PPARGC1A: variants seen among roughly 807,000 people sequenced by gnomAD.
PPARGC1A encodes the protein PPARG coactivator 1 alpha, also known as peroxisome proliferator-activated receptor gamma coactivator 1-alpha.
In PPARGC1A, 25 loss-of-function variants were observed where a neutral mutation model predicts 88.7. The ratio of observed to expected loss-of-function variants is 0.28; its 90% CI spans 0.21 to 0.39. The LOEUF (loss-of-function observed/expected upper bound fraction) is 0.39. Ranked by LOEUF, PPARGC1A falls within the 10% of genes least tolerant of loss-of-function variation. PPARGC1A has a pLI of 1.00. For synonymous variants in PPARGC1A, 363 were observed against 355.6 expected, an observed-to-expected ratio of 1.02 and a Z score of -0.24; for missense variants, 880 against 968.7, an observed-to-expected ratio of 0.91 and a Z score of 1.22.
intron 2 of PPARGC1A, among the ~76,000 whole-genome samples, chr4:23,838,886 A>G (rs57619531): frequency 0.042 from 5,714 of 137,300 alleles, 113 homozygotes; most frequent in Middle Eastern, 0.061. Flanking sequence ...GCATTCTCTG[A>G]TATTCAATTG....
At chr4:24,121,530 C>G in the PPARGC1A span, among the ~76,000 whole-genome samples, 1 of 152,174 alleles carries the variant, frequency 6.6e-6, no homozygotes, top group South Asian at 2.1e-4. Context: ...CAGAGACCTC[C>G]GCCATACCCT....
chr4:23,806,225 G>A (rs1719782295), intron 10 of PPARGC1A, among the ~76,000 whole-genome samples: 2 of 152,118 alleles, frequency 1.3e-5, no homozygotes, highest in African/African-American at 4.8e-5. Context: ...AATTATTGAA[G>A]TGCTTGATTT....
At chr4:23,924,392 C>T in the PPARGC1A span, among the ~76,000 whole-genome samples, 9 of 152,254 alleles carry the variant, frequency 5.9e-5, no homozygotes, top group South Asian at 1.7e-3. Context: ...CTTCGGGAGG[C>T]CGAGGCGGGT....
At chr4:23,991,218 G>A in the PPARGC1A span, among the ~76,000 whole-genome samples, 1 of 152,044 alleles carries the variant, frequency 6.6e-6, no homozygotes, top group African/African-American at 2.4e-5. Context: ...GGGAAAGGCA[G>A]ATAGCTTTGT....
Position 23,795,899 on chromosome 4 carries a change from C to T in PPARGC1A, c.2320G>A (p.Ala774Thr). 1 of 1,611,274 alleles carries T rather than the reference C, an allele frequency of 6.2e-7. No individual in the cohort carries two copies. Among genetic ancestry groups the T allele is most frequent in the Non-Finnish European group, 8.5e-7 (1 of 1,178,968 alleles). ...LDSNSDDFDP[A>T]STKSKYDSLD... ...GAGTCATACTTGCTCTTGGTGGAAG[C>T]AGGGTCAAAGTCATCTGAGTTTGAA... Residue 774 changes from alanine to threonine, a missense_variant, in exon 13 of 13, where the codon GCT becomes ACT. Physicochemically the swap from Ala to Thr is moderately conservative, Grantham distance 58. Transcript: ENST00000264867.
At chr4:24,338,877 A>T in the PPARGC1A span, among the ~76,000 whole-genome samples, 2 of 152,118 alleles carry the variant, frequency 1.3e-5, no homozygotes, top group Non-Finnish European at 2.9e-5. Flanking sequence ...CATTGTTTAC[A>T]ATCAGTTCAG....
At chr4:23,880,843 C>T (rs1465562613) in intron 2 of PPARGC1A, 1 of 152,204 alleles carries the variant, frequency 6.6e-6, no homozygotes, top group Non-Finnish European at 1.5e-5. Context: ...CAAAGGCAGT[C>T]CTCAGAACGT....
chr4:23,907,772 A>T (rs957363160), upstream of PPARGC1A, among the ~76,000 whole-genome samples: 1 of 152,152 alleles, frequency 6.6e-6, no homozygotes, highest in Middle Eastern at 3.2e-3. Flanking sequence ...CTGTTCTCCT[A>T]ACCTTTCCTC....
chr4:24,362,723 T>C, the PPARGC1A span, among the ~76,000 whole-genome samples: 1 of 152,184 alleles, frequency 6.6e-6, no homozygotes, highest in Non-Finnish European at 1.5e-5. Context: ...TTAATCTCCA[T>C]TAGCTGACAT....
chr4:23,927,857 T>A, the PPARGC1A span, among the ~76,000 whole-genome samples: 1 of 152,256 alleles, frequency 6.6e-6, no homozygotes, highest in East Asian at 1.9e-4. Flanking sequence ...GTATTATGAC[T>A]CAAAAATCCT....
At chr4:24,154,088 C>T in the PPARGC1A span, among the ~76,000 whole-genome samples, 4 of 151,948 alleles carry the variant, frequency 2.6e-5, no homozygotes, top group African/African-American at 9.7e-5. Context: ...AAATTGACAA[C>T]CACTGTTATT....
the PPARGC1A span, among the ~76,000 whole-genome samples, chr4:24,427,979 G>C: frequency 6.6e-6 from 1 of 151,976 alleles, no homozygotes; most frequent in African/African-American, 2.4e-5. Flanking sequence ...GCCAGCCATG[G>C]TGGCATATGT....
At chr4:23,905,984 A>C (rs1383607934), upstream of PPARGC1A, among the ~76,000 whole-genome samples, 1 of 152,186 alleles carries the variant, frequency 6.6e-6, no homozygotes, top group Non-Finnish European at 1.5e-5. Flanking sequence ...CATCCAGCTA[A>C]AACCACCAGG....
chr4:23,957,084 A>T, the PPARGC1A span, among the ~76,000 whole-genome samples: 1 of 152,060 alleles, frequency 6.6e-6, no homozygotes, highest in South Asian at 2.1e-4. Flanking sequence ...CTCCTTTCCC[A>T]AGTTCACATG....
At chr4:24,205,267 C>T in the PPARGC1A span, among the ~76,000 whole-genome samples, 2,048 of 152,298 alleles carry the variant, frequency 0.013, 17 homozygotes, top group East Asian at 0.058. Flanking sequence ...ATCACCCAGT[C>T]CCTTGTATCC....
chr4:24,092,772 C>G, the PPARGC1A span, among the ~76,000 whole-genome samples: 2 of 152,158 alleles, frequency 1.3e-5, no homozygotes, highest in Non-Finnish European at 2.9e-5. Flanking sequence ...CCCATGCTCC[C>G]AAACTTCTAC....
chr4:24,158,745 T>A, the PPARGC1A span, among the ~76,000 whole-genome samples: 1 of 152,150 alleles, frequency 6.6e-6, no homozygotes, highest in Non-Finnish European at 1.5e-5. Context: ...CATGAATAAT[T>A]GAGAAAGGCT....
chr4:24,408,444 T>A, the PPARGC1A span, among the ~76,000 whole-genome samples: 1 of 152,224 alleles, frequency 6.6e-6, no homozygotes, highest in Non-Finnish European at 1.5e-5. Context: ...TAATTGTTCT[T>A]AAATTTTTTT....
chr4:24,337,665 AAGG>A, the PPARGC1A span, among the ~76,000 whole-genome samples: 2 of 150,436 alleles, frequency 1.3e-5, no homozygotes, highest in Non-Finnish European at 2.9e-5. Flanking sequence ...CACCTCCACT[AAGG>A]AGATCTTATT....
Sources: gnomAD v4.1 joint callset for allele counts (sites outside exome capture counted in the v4.1 genomes callset) on GRCh38, gnomAD v4.1.1 for gene constraint, MANE v1.5 for transcripts, NCBI Gene and HGNC (gene_info 2026-07-23, HGNC 2026-07-21) for gene names.